The following PGBD5 variants were observed in gnomAD, a reference collection of about 807,000 sequenced individuals.
PGBD5 encodes the protein piggyBac transposable element derived 5.
Under a neutral mutation model 47.9 loss-of-function variants are expected in PGBD5, and 14 were observed. That is an observed-to-expected ratio of 0.29 (90% CI 0.19 to 0.46). The LOEUF (loss-of-function observed/expected upper bound fraction) is 0.46. Ranked by LOEUF, PGBD5 falls within the 20% of genes least tolerant of loss-of-function variation. The pLI is 1.00. For synonymous variants in PGBD5, 316 were observed against 306.3 expected (o/e 1.03, Z -0.33); for missense variants, 635 against 716.0 (o/e 0.89, Z 1.29).
In PGBD5 at chr1:230,321,883, T is replaced by C. The variant is rs1397037436; in HGVS notation, c.*1542A>G. The C allele has an allele frequency of 1.3e-5, 2 of 152,602 alleles. No homozygotes were observed. The highest frequency in any genetic ancestry group is 4.8e-5 in the African/African-American group (2 of 41,444). 9.5% of individuals were successfully genotyped at this position (152,602 alleles called of 1,614,324 possible). A position where few individuals can be genotyped will look rare whatever the true frequency, so the allele number is the denominator to read the frequency against. ...ACACGATCTGAAATTTGGCCTGCAA[T>C]CCGTGGCATCGATTCCAACCACAGG... On this transcript the variant is annotated 3_prime_UTR_variant, in exon 7 of 7. Coordinates refer to ENST00000391860, the MANE Select transcript of PGBD5 (RefSeq NM_001258311.2).
intron 1 of PGBD5, among the ~76,000 whole-genome samples, chr1:230,379,846 C>T (rs954507926): frequency 1.3e-4 from 20 of 152,258 alleles, no homozygotes; most frequent in Non-Finnish European, 2.5e-4. Context: ...GCATCCTCCC[C>T]TCTGAAATCT....
intron 1 of PGBD5, among the ~76,000 whole-genome samples, chr1:230,396,174 A>ACC (rs1656954137): frequency 1.5e-4 from 14 of 93,050 alleles, no homozygotes; most frequent in African/African-American, 6.8e-4. Context: ...CCTCCCTTTT[A>ACC]CCCACATTCC....
chr1:230,347,431 A>C (rs1667491151), intron 3 of PGBD5, among the ~76,000 whole-genome samples: 1 of 151,604 alleles, frequency 6.6e-6, no homozygotes, highest in African/African-American at 2.4e-5. Flanking sequence ...CTGCTGGCAG[A>C]ATTCCCTTTT....
At chr1:230,407,902 G>C (rs1413173715) in intron 1 of PGBD5, among the ~76,000 whole-genome samples, 1 of 152,160 alleles carries the variant, frequency 6.6e-6, no homozygotes, top group African/African-American at 2.4e-5. Context: ...CCAAGGATTT[G>C]TTCATGGGTT....
In PGBD5 at chr1:230,355,602, C is replaced by T. The variant is rs146176202; in HGVS notation, c.759+1292G>A. Among the ~76,000 whole-genome samples, 371 of 152,290 alleles carry T rather than the reference C, an allele frequency of 2.4e-3. 1 individual carries two copies. The highest frequency in any genetic ancestry group is 8.1e-3 in the African/African-American group (335 of 41,542). On this transcript the variant is annotated intron_variant, in intron 2 of 6. Coordinates refer to ENST00000391860, the MANE Select transcript of PGBD5 (RefSeq NM_001258311.2). ...TGTTACAGGGCAGAGCTCATGTCCT[C>T]GAAAGTCTCCACTTCTTGTTAGGAA... is the stretch of plus-strand genomic sequence containing the variant.
chr1:230,338,902 G>A (rs938960943), intron 3 of PGBD5, among the ~76,000 whole-genome samples: 11 of 152,202 alleles, frequency 7.2e-5, no homozygotes, highest in African/African-American at 1.4e-4. Flanking sequence ...GGAAGAGCCC[G>A]GTTCCTTTTC....
At chr1:230,348,234 A>G (rs1667505658) in intron 3 of PGBD5, among the ~76,000 whole-genome samples, 1 of 152,250 alleles carries the variant, frequency 6.6e-6, no homozygotes, top group African/African-American at 2.4e-5. Context: ...ATACACTGGC[A>G]GTAGAAGGGA....
At chr1:230,417,129 T>C (rs967259486) in intron 1 of PGBD5, among the ~76,000 whole-genome samples, 1 of 152,240 alleles carries the variant, frequency 6.6e-6, no homozygotes, top group Non-Finnish European at 1.5e-5. Context: ...GAAAGTTCTT[T>C]ATACCCTGTG....
chr1:230,333,163 G>A lies in PGBD5; in HGVS notation c.1076-122C>T, dbSNP rs79289566. ...CCGGTTCTGAGGCTGATGCTTGGGA[G>A]TCAGACCCTCTAGAGACCCCTCTAG... is the stretch of plus-strand genomic sequence containing the variant. On this transcript the variant is annotated intron_variant, in intron 4 of 6. Transcript: ENST00000391860. The A allele has an allele frequency of 9.7e-6, 10 of 1,028,588 alleles. No individual in the cohort carries two copies. In the South Asian group the frequency reaches 1.6e-4, roughly 17 times the overall value. 63.7% of individuals were successfully genotyped at this position (1,028,588 alleles called of 1,614,324 possible). A position where few individuals can be genotyped will look rare whatever the true frequency, so the allele number is the denominator to read the frequency against.
At chr1:230,366,653 T>C (rs1165388725) in intron 1 of PGBD5, among the ~76,000 whole-genome samples, 1 of 152,226 alleles carries the variant, frequency 6.6e-6, no homozygotes, top group East Asian at 1.9e-4. Flanking sequence ...CTTTCAGCCT[T>C]GGTCTCCTTG....
intron 5 of PGBD5, among the ~76,000 whole-genome samples, chr1:230,326,926 G>A (rs1280749309): frequency 6.6e-6 from 1 of 152,114 alleles, no homozygotes; most frequent in Non-Finnish European, 1.5e-5. Context: ...ATGCATCCCA[G>A]GGGCACCGCA....
chr1:230,424,239 G>A (rs1343096446), intron 1 of PGBD5, among the ~76,000 whole-genome samples: 1 of 152,190 alleles, frequency 6.6e-6, no homozygotes, highest in African/African-American at 2.4e-5. Flanking sequence ...GCTGTCTAGG[G>A]CCAGGAGACC....
intron 1 of PGBD5, among the ~76,000 whole-genome samples, chr1:230,372,975 T>C (rs1017320463): frequency 3.9e-5 from 6 of 152,188 alleles, no homozygotes; most frequent in African/African-American, 1.2e-4. Context: ...TGACGGAGAA[T>C]GAAACACCAG....
rs755071314 is a variant in PGBD5 at position 230,337,127 on chromosome 1, A to G, written c.1056T>C (p.Phe352=). Residue 352 remains phenylalanine, a synonymous_variant, in exon 4 of 7, where the codon TTT becomes TTC. Transcript: ENST00000391860. Reference sequence around the variant, plus strand: ...ACTAACCTTGCTTCTCAAACTCTTCAAACAGCGTCAGGCTGGTGATGCTGG... The same window carrying G: ...ACTAACCTTGCTTCTCAAACTCTTCGAACAGCGTCAGGCTGGTGATGCTGG... ...TGPSITSLTL[F]EEFEKQGIYC... 1.2e-6 allele frequency: 2 copies of G among 1,614,048 alleles called. No homozygotes were observed. Among genetic ancestry groups the G allele is most frequent in the Admixed American group, 3.3e-5 (2 of 60,010 alleles).
At chr1:230,337,403 A>C (rs1182630325) in intron 3 of PGBD5, 115 bp from the exon 4 acceptor site, 22 of 1,047,588 alleles carry the variant, frequency 2.1e-5, no homozygotes, top group Non-Finnish European at 8.0e-6. Flanking sequence ...GAGCCCATGG[A>C]AAAGCCCCCA....
intron 5 of PGBD5, 137 bp downstream of exon 5, chr1:230,332,707 T>A: frequency 9.9e-7 from 1 of 1,007,412 alleles, no homozygotes; most frequent in South Asian, 1.6e-5. Context: ...CCCCAGATGC[T>A]GGGGAATAAC....
At chr1:230,423,850 A>C (rs1174559812) in intron 1 of PGBD5, among the ~76,000 whole-genome samples, 3 of 152,242 alleles carry the variant, frequency 2.0e-5, no homozygotes, top group Non-Finnish European at 2.9e-5. Flanking sequence ...TGCAGGAAGC[A>C]GAATTTGAAC....
intron 3 of PGBD5, among the ~76,000 whole-genome samples, chr1:230,345,117 A>G (rs952359049): frequency 6.6e-6 from 1 of 152,080 alleles, no homozygotes; most frequent in Non-Finnish European, 1.5e-5. Context: ...AAATTAGTGG[A>G]CCTTTTTTTT....
rs1667341467 is a variant in PGBD5 at position 230,337,302 on chromosome 1, A to C, written c.895-14T>G. The C allele has an allele frequency of 6.3e-7, 1 of 1,599,570 alleles. No individual in the cohort carries two copies. The highest frequency in any genetic ancestry group is 1.1e-5 in the South Asian group (1 of 89,674). On this transcript the variant is annotated splice_polypyrimidine_tract_variant and intron_variant, in intron 3 of 6. Coordinates refer to ENST00000391860, the MANE Select transcript of PGBD5 (RefSeq NM_001258311.2). ...GTGGACATAAATCTTTAACAGAAAC[A>C]CACAGAGGTTAGCGTGCTCACAGCA... is the stretch of plus-strand genomic sequence containing the variant.
Sources: allele counts gnomAD v4.1 joint callset (sites outside exome capture counted in the v4.1 genomes callset), GRCh38; gene constraint gnomAD v4.1.1; transcripts MANE v1.5; gene names NCBI Gene and HGNC (gene_info 2026-07-23, HGNC 2026-07-21).